Variants in PTGIR observed in about 807,000 individuals in gnomAD.
PTGIR encodes the protein prostaglandin I2 receptor.
Under a neutral mutation model 17.6 loss-of-function variants are expected in PTGIR, and 16 were observed. That is an observed-to-expected ratio of 0.91 (90% confidence interval 0.61 to 1.38). PTGIR has a LOEUF of 1.38. PTGIR is among the 40% of genes most tolerant of loss of function. PTGIR has a pLI of 0.00. For missense variants in PTGIR, 532 were observed against 548.6 expected (o/e 0.97, Z 0.30); for synonymous variants, 274 against 255.4 (o/e 1.07, Z -0.69).
chr19:46,617,409 T>C (rs1971978140), downstream of PTGIR, among the ~76,000 whole-genome samples: 1 of 151,024 alleles, frequency 6.6e-6, no homozygotes, highest in Non-Finnish European at 1.5e-5. Context: ...TGTTAGACAG[T>C]GTAGACACCC....
downstream of PTGIR, among the ~76,000 whole-genome samples, chr19:46,619,321 C>T (rs1220266391): frequency 2.0e-5 from 3 of 151,596 alleles, no homozygotes; most frequent in African/African-American, 7.3e-5. Flanking sequence ...GACGAAACCC[C>T]GTCTCTACTA....
Position 46,621,143 on chromosome 19 carries a change from G to T in PTGIR, c.*137C>A, listed in dbSNP as rs200095263. The T allele has an allele frequency of 2.0e-5, 27 of 1,369,744 alleles. No homozygotes were observed. Among genetic ancestry groups the T allele is most frequent in the Non-Finnish European group, 2.5e-5 (27 of 1,058,960 alleles). 84.8% of individuals were successfully genotyped at this position (1,369,744 alleles called of 1,614,324 possible). A position where few individuals can be genotyped will look rare whatever the true frequency, so the allele number is the denominator to read the frequency against. On this transcript the variant is annotated 3_prime_UTR_variant, in exon 3 of 3. Coordinates refer to ENST00000291294, the MANE Select transcript of PTGIR (RefSeq NM_000960.4). This position sits in a 1 kb window ranked among gnomAD's most constrained non-coding sequence, Gnocchi z 4.8. ...CAGAGCCAGCAGCGACTGCCCTGCCGCAGGAGAAACAGCAGCTGATCGGCC... is the reference window on the plus strand; with the variant it reads ...CAGAGCCAGCAGCGACTGCCCTGCCTCAGGAGAAACAGCAGCTGATCGGCC...
At chr19:46,624,541 A>C (rs1599775314) in intron 1 of PTGIR, 1 of 246,692 alleles carries the variant, frequency 4.1e-6, no homozygotes. Context: ...TGCAACCTCC[A>C]CCTCCTGGGT....
rs1488279983 is a variant in PTGIR at position 46,623,972 on chromosome 19, G to T, written c.254C>A (p.Ala85Asp). 2.5e-6 allele frequency: 4 copies of T among 1,570,834 alleles called. No homozygotes were observed. The highest frequency in any genetic ancestry group is 3.5e-6 in the Non-Finnish European group (4 of 1,157,656). The change falls in exon 2 of 3, where the codon GCC (alanine) becomes GAC (aspartate). Residue 85 changes from alanine to aspartate, a missense_variant. Ala to Asp is a moderately radical substitution (Grantham distance 126). Coordinates refer to ENST00000291294, the MANE Select transcript of PTGIR (RefSeq NM_000960.4). ...ATCGCACAGGGCGGGGCCGCCTCGG[G>T]CCAGGCCCAGCAGGGAGCTGTTGCG... Reference protein sequence around the residue: ...YARNSSLLGLARGGPALCDAF... With the variant: ...YARNSSLLGLDRGGPALCDAF...
At position 46,624,255 on chromosome 19, in the gene PTGIR, T is replaced by TG. The variant is rs552005985; in HGVS notation, c.-12-19dup. ...GGTCTGGGCTGGAGGGTTCCCAAGGTGGGGGGTCAGAGGGAGCCAGGGCTA... is the reference window on the plus strand; with the variant it reads ...GGTCTGGGCTGGAGGGTTCCCAAGGTGGGGGGGTCAGAGGGAGCCAGGGCTA... On this transcript the variant is annotated intron_variant, in intron 1 of 2. Transcript: ENST00000291294. 12,153 of 1,417,602 alleles carry TG rather than the reference T, an allele frequency of 8.6e-3. 77 individuals carry two copies. The highest frequency in any genetic ancestry group is 8.8e-3 in the Non-Finnish European group (9,643 of 1,091,660). 87.8% of individuals were successfully genotyped at this position (1,417,602 alleles called of 1,614,324 possible).
Position 46,621,341 on chromosome 19 carries a change from CTGGA to C in PTGIR, c.1096_1099del (p.Ser366AlafsTer25), listed in dbSNP as rs1421704268. 2 of 1,535,686 alleles carry C rather than the reference CTGGA, an allele frequency of 1.3e-6. No homozygotes were observed. Among genetic ancestry groups the C allele is most frequent in the African/African-American group, 2.8e-5 (2 of 72,510 alleles). ...GGACGACGTTCCCACGGCGCTGCCG[CTGGA>C]CTGCTGTGTGGGAGGCAAGGGCTCC... On this transcript the variant is annotated frameshift_variant, in exon 3 of 3. Transcript: ENST00000291294. LOFTEE classifies it low-confidence loss of function (END_TRUNC). The surrounding 1 kb of genome is among the most constrained non-coding windows in gnomAD (Gnocchi z 4.8).
downstream of PTGIR, among the ~76,000 whole-genome samples, chr19:46,617,460 G>A (rs1023763793): frequency 6.6e-6 from 1 of 152,200 alleles, no homozygotes; most frequent in Non-Finnish European, 1.5e-5. Flanking sequence ...GCAGCAAACA[G>A]TGAGATGTCA....
At chr19:46,611,197 G>A in the PTGIR span, among the ~76,000 whole-genome samples, 62 of 151,886 alleles carry the variant, frequency 4.1e-4, no homozygotes, top group South Asian at 4.4e-3. Context: ...TCGGGGGGAC[G>A]ACATGTATGG....
downstream of PTGIR, among the ~76,000 whole-genome samples, chr19:46,619,695 C>A (rs1972031766): frequency 6.7e-6 from 1 of 149,448 alleles, no homozygotes; most frequent in Admixed American, 6.7e-5. Context: ...ATAGGTTGCC[C>A]TGTGGATGGA....
At chr19:46,610,970 C>T in the PTGIR span, among the ~76,000 whole-genome samples, 2 of 152,138 alleles carry the variant, frequency 1.3e-5, no homozygotes, top group South Asian at 2.1e-4. Context: ...CCAGCTAGAT[C>T]GCAGGGTCAT....
the PTGIR span, among the ~76,000 whole-genome samples, chr19:46,612,695 C>CAGGCTG: frequency 6.6e-6 from 1 of 152,174 alleles, no homozygotes; most frequent in Non-Finnish European, 1.5e-5. Flanking sequence ...GTGGGGAGGC[C>CAGGCTG]AGGCTGAGGC....
chr19:46,623,242 C>T (rs989862078), intron 2 of PTGIR: 7 of 481,910 alleles, frequency 1.5e-5, no homozygotes, highest in African/African-American at 8.1e-5. Flanking sequence ...AATGATCCGC[C>T]GGCCTCGGCC....
chr19:46,616,053 C>T (rs1436490414), downstream of PTGIR, among the ~76,000 whole-genome samples: 4 of 152,154 alleles, frequency 2.6e-5, no homozygotes, highest in South Asian at 2.1e-4. Context: ...CCACCTGCCT[C>T]GGCCTCCCAA....
chr19:46,614,532 T>A, the PTGIR span: 1 of 642,374 alleles, frequency 1.6e-6, no homozygotes, highest in Non-Finnish European at 1.9e-6. Flanking sequence ...GGCAGGCGCC[T>A]AGAGCAGTCA....
chr19:46,625,064 C>G lies in PTGIR; in HGVS notation c.-80G>C, dbSNP rs1431012485. 1.3e-5 allele frequency: 2 copies of G among 153,882 alleles called. No homozygotes were observed. Among genetic ancestry groups the G allele is most frequent in the Admixed American group, 6.6e-5 (1 of 15,264 alleles). The allele number at this position is 153,882 out of a possible 1,614,324, so 9.5% of individuals were successfully genotyped here. A position where few individuals can be genotyped will look rare whatever the true frequency, so the allele number is the denominator to read the frequency against. ...CCTTCACTTGCTTTGCTCCTCGTGT[C>G]TCTCGCTGCCTGTGTCGGTCTGTGT... is the stretch of plus-strand genomic sequence containing the variant. On this transcript the variant is annotated 5_prime_UTR_variant, in exon 1 of 3. Coordinates refer to ENST00000291294, the MANE Select transcript of PTGIR (RefSeq NM_000960.4). This position sits in a 1 kb window ranked among gnomAD's most constrained non-coding sequence, Gnocchi z 4.9.
At chr19:46,612,942 CCATTTA>C in the PTGIR span, among the ~76,000 whole-genome samples, 1 of 151,704 alleles carries the variant, frequency 6.6e-6, no homozygotes, top group Non-Finnish European at 1.5e-5. Flanking sequence ...CCCTTGGCCT[CCATTTA>C]CAAGTCTGCA....
intron 1 of PTGIR, chr19:46,624,447 T>G (rs566701436): frequency 2.2e-6 from 1 of 446,430 alleles, no homozygotes; most frequent in South Asian, 5.7e-5. Flanking sequence ...TTTCTCTTTC[T>G]CTCTTTCTTT....
chr19:46,623,293 G>C (rs887837868), intron 2 of PTGIR, 165 bp downstream of exon 2: 8 of 828,004 alleles, frequency 9.7e-6, no homozygotes, highest in Middle Eastern at 6.6e-4. Context: ...CACCGCATCC[G>C]GTCCTGCCTC....
At chr19:46,610,959 C>T in the PTGIR span, among the ~76,000 whole-genome samples, 1 of 152,156 alleles carries the variant, frequency 6.6e-6, no homozygotes, top group African/African-American at 2.4e-5. Flanking sequence ...CAGTTCTGAT[C>T]CCAGCTAGAT....
Sources: gnomAD v4.1 joint callset for allele counts (sites outside exome capture counted in the v4.1 genomes callset) on GRCh38, gnomAD v4.1.1 for gene constraint, Gnocchi (gnomAD v3.1) non-coding constraint, MANE v1.5 for transcripts, NCBI Gene and HGNC (gene_info 2026-07-23, HGNC 2026-07-21) for gene names.